IQCM: variants seen among roughly 807,000 people sequenced by gnomAD.
IQCM encodes IQ motif containing M, also known as IQ domain-containing protein M.
In IQCM, 45 loss-of-function variants were observed where a neutral mutation model predicts 57.6. That is an observed-to-expected ratio of 0.78 (90% CI 0.62 to 1.00). The LOEUF is 1.00. Ranked by LOEUF, IQCM falls within the 50% of genes least tolerant of loss-of-function variation. The pLI is 0.00. For missense variants in IQCM, 468 were observed against 511.6 expected, an observed-to-expected ratio of 0.91 and a Z score of 0.82; for synonymous variants, 148 against 158.9, an observed-to-expected ratio of 0.93 and a Z score of 0.51.
intron 3 of IQCM, among the ~76,000 whole-genome samples, chr4:149,738,466 T>C (rs1260061161): frequency 6.6e-6 from 1 of 152,180 alleles, no homozygotes; most frequent in African/African-American, 2.4e-5. Flanking sequence ...GATTAGTCCC[T>C]GATTTCCCCT....
At chr4:149,448,258 A>G (rs1478234612) in intron 12 of IQCM, among the ~76,000 whole-genome samples, 1 of 151,672 alleles carries the variant, frequency 6.6e-6, no homozygotes, top group East Asian at 1.9e-4. Flanking sequence ...ACTATACAAC[A>G]TTTCTAAATA....
chr4:149,548,348 G>T, intron 12 of IQCM, 107 bp downstream of exon 12: 2 of 917,630 alleles, frequency 2.2e-6, no homozygotes, highest in South Asian at 5.7e-5. Flanking sequence ...GTAAAAGTAA[G>T]GGAAGGAATG....
At chr4:149,719,054 G>T (rs1191889653) in intron 5 of IQCM, among the ~76,000 whole-genome samples, 1 of 152,110 alleles carries the variant, frequency 6.6e-6, no homozygotes, top group Non-Finnish European at 1.5e-5. Context: ...GATAAGAAAG[G>T]TGTTTCCAGG....
intron 5 of IQCM, among the ~76,000 whole-genome samples, chr4:149,714,939 A>G (rs1764865227): frequency 6.6e-6 from 1 of 152,222 alleles, no homozygotes; most frequent in South Asian, 2.1e-4. Context: ...CCCTACTCAG[A>G]AGGATGTATA....
chr4:149,446,416 T>A (rs914590563), intron 12 of IQCM, among the ~76,000 whole-genome samples: 3 of 151,778 alleles, frequency 2.0e-5, no homozygotes, highest in African/African-American at 7.2e-5. Context: ...GAATAATACT[T>A]AAATTTTTGA....
At chr4:149,694,325 C>T (rs944220985) in intron 5 of IQCM, among the ~76,000 whole-genome samples, 6 of 147,452 alleles carry the variant, frequency 4.1e-5, no homozygotes, top group Non-Finnish European at 7.5e-5. Flanking sequence ...CCCGGGTTCA[C>T]GCCATTCTCC....
chr4:149,631,005 A>G (rs1266766915), intron 7 of IQCM, among the ~76,000 whole-genome samples: 1 of 152,176 alleles, frequency 6.6e-6, no homozygotes, highest in African/African-American at 2.4e-5. Flanking sequence ...ACCCAGACCA[A>G]TTGTGCAAGC....
In IQCM at chr4:149,733,262, T is replaced by C. The variant is rs1029401391; in HGVS notation, c.367A>G (p.Ile123Val). The C allele has an allele frequency of 8.1e-7, 1 of 1,231,672 alleles. No individual in the cohort carries two copies. The highest frequency in any genetic ancestry group is 1.6e-5 in the African/African-American group (1 of 64,394). The allele number at this position is 1,231,672 out of a possible 1,614,324, so 76.3% of individuals were successfully genotyped here. Residue 123 changes from isoleucine (I) to valine (V), a missense_variant, in exon 5 of 14, where the codon ATA becomes GTA. Transcript: ENST00000636793. ...AACTTACCTTTTGTAATTAGATCTATGGGCCTGCATCTTTCTCTTCTACTA... is the reference window on the plus strand; with the variant it reads ...AACTTACCTTTTGTAATTAGATCTACGGGCCTGCATCTTTCTCTTCTACTA... ...IFSRRERCRP[I>V]DLITKGQVKL...
chr4:149,654,128 T>C (rs1260658915), intron 7 of IQCM, among the ~76,000 whole-genome samples: 1 of 152,196 alleles, frequency 6.6e-6, no homozygotes, highest in East Asian at 1.9e-4. Flanking sequence ...GAAGATAATT[T>C]AGTAACAAAG....
At chr4:149,377,167 A>G (rs910080608) in intron 13 of IQCM, among the ~76,000 whole-genome samples, 2 of 152,190 alleles carry the variant, frequency 1.3e-5, no homozygotes, top group African/African-American at 2.4e-5. Context: ...TTTTTAATAT[A>G]TTTTGAAACA....
At chr4:149,649,188 AAAGGACCCCTCCTTTTCTT>A (rs1267006791) in intron 7 of IQCM, among the ~76,000 whole-genome samples, 11 of 152,028 alleles carry the variant, frequency 7.2e-5, no homozygotes, top group Admixed American at 7.2e-4. Context: ...CCTGTTCAGA[AAAGGACCCCTCCTTTTCTT>A]AAGGAGGGGT....
intron 9 of IQCM, among the ~76,000 whole-genome samples, chr4:149,580,120 A>G (rs1752037491): frequency 6.6e-6 from 1 of 151,796 alleles, no homozygotes; most frequent in South Asian, 2.1e-4. Flanking sequence ...AAAATGATAG[A>G]ACAAATACTG....
At chr4:149,602,898 G>A (rs1236030468) in intron 8 of IQCM, among the ~76,000 whole-genome samples, 3 of 151,822 alleles carry the variant, frequency 2.0e-5, no homozygotes, top group Admixed American at 1.3e-4. Flanking sequence ...ACTATTTAGA[G>A]GGCAATTTAA....
chr4:149,498,425 C>A (rs1175272707), intron 12 of IQCM, among the ~76,000 whole-genome samples: 2 of 152,122 alleles, frequency 1.3e-5, no homozygotes, highest in African/African-American at 2.4e-5. Flanking sequence ...ATCTTCCTGG[C>A]AGATCATGTT....
chr4:149,499,849 T>C (rs1401428627), intron 12 of IQCM, among the ~76,000 whole-genome samples: 1 of 152,206 alleles, frequency 6.6e-6, no homozygotes, highest in African/African-American at 2.4e-5. Context: ...CTTTGGGATA[T>C]AATTTTTATT....
At chr4:149,473,674 A>G (rs1211378726) in intron 12 of IQCM, among the ~76,000 whole-genome samples, 1 of 152,230 alleles carries the variant, frequency 6.6e-6, no homozygotes. Context: ...ACACATGCAC[A>G]TGTACGTTTA....
At chr4:149,715,280 T>G (rs554366947) in intron 5 of IQCM, among the ~76,000 whole-genome samples, 263 of 152,234 alleles carry the variant, frequency 1.7e-3, no homozygotes, top group African/African-American at 5.2e-3. Context: ...GTGCATGAAT[T>G]AGCGAGCACA....
chr4:149,493,337 G>T (rs1742298613), intron 12 of IQCM, among the ~76,000 whole-genome samples: 1 of 151,776 alleles, frequency 6.6e-6, no homozygotes, highest in South Asian at 2.1e-4. Flanking sequence ...TGAATTAAAA[G>T]AACTATTTTT....
intron 13 of IQCM, among the ~76,000 whole-genome samples, chr4:149,390,812 T>G (rs1462633258): frequency 6.6e-6 from 1 of 151,952 alleles, no homozygotes; most frequent in Non-Finnish European, 1.5e-5. Context: ...CGGATTCAAC[T>G]TTTTAGTATT....
Sources: allele counts gnomAD v4.1 joint callset (sites outside exome capture counted in the v4.1 genomes callset), GRCh38; gene constraint gnomAD v4.1.1; transcripts MANE v1.5; gene names NCBI Gene and HGNC (gene_info 2026-07-23, HGNC 2026-07-21).